ANK3: variants seen among roughly 807,000 people sequenced by gnomAD.
The protein encoded by ANK3 is ankyrin 3.
A neutral mutation model predicts 370.9 loss-of-function variants in ANK3; 57 were observed. The observed-to-expected ratio is 0.15, with a 90% confidence interval of 0.12 to 0.19. The LOEUF (loss-of-function observed/expected upper bound fraction) is 0.19. ANK3 is among the 10% of genes least tolerant of loss of function. ANK3 has a pLI of 1.00. For missense variants in ANK3, 4,439 were observed against 5,302.1 expected (o/e 0.84, Z 5.06); for synonymous variants, 1,929 against 1,946.3 (o/e 0.99, Z 0.23).
intron 1 of ANK3, among the ~76,000 whole-genome samples, chr10:60,324,333 G>A (rs1028515233): frequency 2.0e-5 from 3 of 152,202 alleles, no homozygotes; most frequent in Non-Finnish European, 4.4e-5. Flanking sequence ...TTAGCTGAGT[G>A]CTCATCTGGA....
At chr10:60,201,616 G>A (rs1249635468) in intron 12 of ANK3, among the ~76,000 whole-genome samples, 4 of 152,010 alleles carry the variant, frequency 2.6e-5, no homozygotes, top group Admixed American at 2.6e-4. Flanking sequence ...GAATACCATC[G>A]AGTAATCTAT....
chr10:60,427,225 T>C (rs1274337424), intron 2 of ANK3, among the ~76,000 whole-genome samples: 1 of 152,000 alleles, frequency 6.6e-6, no homozygotes, highest in Non-Finnish European at 1.5e-5. Context: ...AATATCAAAA[T>C]GGATAGGAGT....
At position 60,059,858 on chromosome 10, in the gene ANK3, C is replaced by G. The variant is rs771062678; in HGVS notation, c.12596-428G>C. On this transcript the variant is annotated intron_variant, in intron 40 of 43. Coordinates refer to ENST00000280772, the MANE Select transcript of ANK3 (RefSeq NM_020987.5). ...AATGCTCTATGTTCCCCTGGGAAGG[C>G]ACTAGCCCATCACTCAGTCTACTAG... 2.5e-6 allele frequency: 4 copies of G among 1,614,240 alleles called. No homozygotes were observed. The East Asian group carries it at 8.9e-5, about 36-fold the overall frequency.
At chr10:60,152,469 A>AC (rs900837896) in intron 23 of ANK3, among the ~76,000 whole-genome samples, 4 of 152,192 alleles carry the variant, frequency 2.6e-5, no homozygotes, top group African/African-American at 9.7e-5. Context: ...ATAAAATGAG[A>AC]TGAGTATTAG....
intron 11 of ANK3, among the ~76,000 whole-genome samples, chr10:60,203,850 TAAGA>T (rs1161943436): frequency 6.6e-6 from 1 of 152,186 alleles, no homozygotes; most frequent in Non-Finnish European, 1.5e-5. Context: ...TTAGAGTGAA[TAAGA>T]AAGATAAAAA....
intron 4 of ANK3, among the ~76,000 whole-genome samples, chr10:60,271,269 G>A (rs7898466): frequency 0.018 from 2,720 of 152,056 alleles, 77 homozygotes; most frequent in African/African-American, 0.061. Context: ...CCGGGGTATC[G>A]TCACAGCTCA....
At chr10:60,578,654 G>T (rs1357501190) in intron 2 of ANK3, among the ~76,000 whole-genome samples, 1 of 152,032 alleles carries the variant, frequency 6.6e-6, no homozygotes, top group African/African-American at 2.4e-5. Flanking sequence ...TTCTTTTATT[G>T]CTGTGGAAAA....
chr10:60,265,414 A>G (rs987476864), intron 5 of ANK3, among the ~76,000 whole-genome samples: 1 of 152,184 alleles, frequency 6.6e-6, no homozygotes, highest in African/African-American at 2.4e-5. Flanking sequence ...GGGACTTGAT[A>G]AAGGGGACAC....
At chr10:60,218,921 G>A (rs991405955) in intron 8 of ANK3, among the ~76,000 whole-genome samples, 1 of 151,584 alleles carries the variant, frequency 6.6e-6, no homozygotes, top group Non-Finnish European at 1.5e-5. Context: ...TCATATTCTA[G>A]TAGTAGGTCC....
intron 2 of ANK3, among the ~76,000 whole-genome samples, chr10:60,580,092 A>G (rs574519397): frequency 6.6e-6 from 1 of 152,306 alleles, no homozygotes; most frequent in Admixed American, 6.5e-5. Context: ...TTTAATTTGC[A>G]TTTCTTTGGC....
At chr10:60,564,640 C>T (rs1029212109) in intron 2 of ANK3, among the ~76,000 whole-genome samples, 2 of 152,070 alleles carry the variant, frequency 1.3e-5, no homozygotes, top group South Asian at 2.1e-4. Flanking sequence ...TCCTTTGACT[C>T]GCCCTTAAAA....
At position 60,026,963 on chromosome 10, in the gene ANK3, C is replaced by T. The variant is rs562940853; in HGVS notation, c.*2883G>A. The T allele has an allele frequency of 1.5e-3, 230 of 152,228 alleles. 1 individual carries two copies. Among genetic ancestry groups the T allele is most frequent in the African/African-American group, 5.4e-3 (223 of 41,556 alleles). 9.4% of individuals were successfully genotyped at this position (152,228 alleles called of 1,614,324 possible). A position where few individuals can be genotyped will look rare whatever the true frequency, so the allele number is the denominator to read the frequency against. On this transcript the variant is annotated 3_prime_UTR_variant, in exon 44 of 44. Transcript: ENST00000280772. The stretch of plus-strand genomic sequence containing the variant: ...ATTATGTTAGAAATACATAATGTCA[C>T]ATTCAATCTACATATACATGTATAA...
intron 23 of ANK3, among the ~76,000 whole-genome samples, chr10:60,165,278 T>C (rs889511649): frequency 6.6e-6 from 1 of 152,202 alleles, no homozygotes; most frequent in Admixed American, 6.5e-5. Flanking sequence ...CAGAAGTTAC[T>C]CTGAAATGTA....
intron 1 of ANK3, among the ~76,000 whole-genome samples, chr10:60,287,103 G>C (rs749349492): frequency 1.1e-4 from 17 of 152,020 alleles, no homozygotes; most frequent in Non-Finnish European, 1.6e-4. Context: ...TTAATGTGGG[G>C]TCTCTTATTA....
At chr10:60,556,123 A>G (rs1362390719) in intron 2 of ANK3, among the ~76,000 whole-genome samples, 1 of 152,214 alleles carries the variant, frequency 6.6e-6, no homozygotes, top group Non-Finnish European at 1.5e-5. Context: ...AAGAGAATCA[A>G]CTGAGGATGA....
intron 1 of ANK3, among the ~76,000 whole-genome samples, chr10:60,388,267 A>G (rs527316277): frequency 3.9e-5 from 6 of 152,328 alleles, no homozygotes; most frequent in Admixed American, 3.9e-4. Context: ...TCCAGCTTCA[A>G]TCTCAAAGTC....
At chr10:60,160,055 A>G (rs542734478) in intron 23 of ANK3, among the ~76,000 whole-genome samples, 2 of 152,194 alleles carry the variant, frequency 1.3e-5, no homozygotes, top group East Asian at 3.9e-4. Flanking sequence ...ATAGAAGAAA[A>G]TAAATAATAA....
rs762461317 is a variant in ANK3 at position 60,208,182 on chromosome 10, C to T, written c.1048G>A (p.Val350Ile). ...MATQGDHLNC[V>I]QLLLQHNVPV... ...ACATTATGCTGGAGGAGAAGCTGGACGCAGTTTAAATGATCCCCTTGTGTG... is the reference window on the plus strand; with the variant it reads ...ACATTATGCTGGAGGAGAAGCTGGATGCAGTTTAAATGATCCCCTTGTGTG... Residue 350 changes from valine (V) to isoleucine (I), a missense_variant, in exon 10 of 44, where the codon GTC (valine) becomes ATC (isoleucine). Physicochemically the swap from Val to Ile is conservative, Grantham distance 29 (BLOSUM62 3). Transcript: ENST00000280772. 3.5e-5 allele frequency: 56 copies of T among 1,613,980 alleles called. No individual in the cohort carries two copies. Among genetic ancestry groups the T allele is most frequent in the South Asian group, 4.4e-5 (4 of 91,088 alleles).
At chr10:60,458,009 C>T (rs553415487) in intron 2 of ANK3, among the ~76,000 whole-genome samples, 1 of 152,162 alleles carries the variant, frequency 6.6e-6, no homozygotes, top group Non-Finnish European at 1.5e-5. Flanking sequence ...GAATAATATA[C>T]AATCTTTTTC....
Sources: gnomAD v4.1 joint callset for allele counts (sites outside exome capture counted in the v4.1 genomes callset) on GRCh38, gnomAD v4.1.1 for gene constraint, MANE v1.5 for transcripts, NCBI Gene and HGNC (gene_info 2026-07-23, HGNC 2026-07-21) for gene names.